Variants in PCDH9 observed in about 807,000 individuals in gnomAD.
PCDH9 encodes the protein protocadherin-9.
Under a neutral mutation model 70.6 loss-of-function variants are expected in PCDH9, and 24 were observed. That is an observed-to-expected ratio of 0.34 (90% CI 0.25 to 0.48). The LOEUF (loss-of-function observed/expected upper bound fraction) is 0.48. Among genes scored for constraint, PCDH9 ranks in the 20% least tolerant of loss-of-function variants. PCDH9 has a pLI of 0.99. For missense variants in PCDH9, 1,281 were observed against 1,503.6 expected, an observed-to-expected ratio of 0.85 and a Z score of 2.45; for synonymous variants, 562 against 558.5, an observed-to-expected ratio of 1.01 and a Z score of -0.09.
chr13:66,534,393 GT>G (rs1220374907), intron 4 of PCDH9, among the ~76,000 whole-genome samples: 1 of 152,104 alleles, frequency 6.6e-6, no homozygotes. Context: ...TGACAGTATC[GT>G]TGGGTTCTGG....
At chr13:66,899,638 A>T (rs552715984) in intron 3 of PCDH9, among the ~76,000 whole-genome samples, 2 of 152,130 alleles carry the variant, frequency 1.3e-5, no homozygotes, top group African/African-American at 4.8e-5. Flanking sequence ...CTCTGCTTGC[A>T]TTATATACTG....
At chr13:66,505,456 C>A (rs1265939882) in intron 4 of PCDH9, among the ~76,000 whole-genome samples, 2 of 151,278 alleles carry the variant, frequency 1.3e-5, no homozygotes, top group African/African-American at 4.9e-5. Flanking sequence ...AACTACCTCC[C>A]ACCAGGTCCC....
At chr13:66,363,072 A>G (rs937726802) in intron 4 of PCDH9, among the ~76,000 whole-genome samples, 1 of 152,094 alleles carries the variant, frequency 6.6e-6, no homozygotes. Context: ...TCAGCTACTC[A>G]GGAGGCTGAG....
At chr13:66,328,833 A>G (rs1955891881) in intron 4 of PCDH9, among the ~76,000 whole-genome samples, 1 of 152,030 alleles carries the variant, frequency 6.6e-6, no homozygotes, top group African/African-American at 2.4e-5. Flanking sequence ...ATCAAAGCAT[A>G]TTTTCTTGGA....
At chr13:66,943,552 T>G (rs910798400) in intron 2 of PCDH9, among the ~76,000 whole-genome samples, 2 of 152,098 alleles carry the variant, frequency 1.3e-5, no homozygotes, top group African/African-American at 4.8e-5. Context: ...GAAAATGATC[T>G]CCATTAGACT....
At chr13:67,117,519 A>C (rs1404021572) in intron 2 of PCDH9, among the ~76,000 whole-genome samples, 3 of 152,162 alleles carry the variant, frequency 2.0e-5, no homozygotes, top group Non-Finnish European at 2.9e-5. Flanking sequence ...AAAGTGGCTT[A>C]ATGAAAAATG....
At chr13:66,611,313 TA>T (rs1219899767) in intron 4 of PCDH9, among the ~76,000 whole-genome samples, 2 of 152,194 alleles carry the variant, frequency 1.3e-5, no homozygotes, top group Non-Finnish European at 2.9e-5. Context: ...TATGACTAAT[TA>T]CAAAGAAATT....
intron 4 of PCDH9, among the ~76,000 whole-genome samples, chr13:66,548,582 G>C (rs544136178): frequency 1.3e-5 from 2 of 151,602 alleles, no homozygotes; most frequent in African/African-American, 2.4e-5. Flanking sequence ...AAAATTAAAC[G>C]TTCAAAAACT....
chr13:66,968,237 T>C (rs1024522286), intron 2 of PCDH9, among the ~76,000 whole-genome samples: 2 of 152,108 alleles, frequency 1.3e-5, no homozygotes, highest in Non-Finnish European at 2.9e-5. Flanking sequence ...TCCAGATGCT[T>C]CTTTGTCATC....
At position 67,227,331 on chromosome 13, in the gene PCDH9, G is replaced by C. The variant is rs745448160; in HGVS notation, c.1110C>G (p.Thr370=). ...LRYIISPING[T]VYLSEKDPVN... ...CAGGATCTTTCTCAGATAAATACACGGTGCCATTGATGGGACTTATAATGT... is the reference window on the plus strand; with the variant it reads ...CAGGATCTTTCTCAGATAAATACACCGTGCCATTGATGGGACTTATAATGT... The change falls in exon 2 of 5, where the codon ACC becomes ACG. Residue 370 remains threonine, a synonymous_variant. Transcript: ENST00000377865. The surrounding 1 kb of genome is among the most constrained non-coding windows in gnomAD (Gnocchi z 4.6). The C allele has an allele frequency of 1.2e-6, 2 of 1,613,736 alleles. No individual in the cohort carries two copies. Among genetic ancestry groups the C allele is most frequent in the South Asian group, 2.2e-5 (2 of 91,064 alleles).
intron 4 of PCDH9, among the ~76,000 whole-genome samples, chr13:66,420,085 G>A (rs956848652): frequency 5.9e-5 from 9 of 152,094 alleles, no homozygotes; most frequent in African/African-American, 1.4e-4. Context: ...AGCCCACCAC[G>A]GTGCCACAAA....
chr13:66,887,372 T>C (rs1228911603), intron 3 of PCDH9, among the ~76,000 whole-genome samples: 2 of 152,102 alleles, frequency 1.3e-5, no homozygotes, highest in African/African-American at 4.8e-5. Context: ...AGACGTGCAT[T>C]CTGCCCTAGA....
chr13:66,781,477 A>G (rs2079997036), intron 3 of PCDH9, among the ~76,000 whole-genome samples: 1 of 152,212 alleles, frequency 6.6e-6, no homozygotes, highest in African/African-American at 2.4e-5. Context: ...AGGAATTAAA[A>G]ATCAGCATGG....
chr13:66,745,333 C>A (rs1252632337), intron 3 of PCDH9, among the ~76,000 whole-genome samples: 1 of 152,132 alleles, frequency 6.6e-6, no homozygotes, highest in Non-Finnish European at 1.5e-5. Flanking sequence ...CAGTTTCCTT[C>A]TTGAGTGAAA....
At chr13:66,528,299 C>T (rs999037181) in intron 4 of PCDH9, among the ~76,000 whole-genome samples, 11 of 152,086 alleles carry the variant, frequency 7.2e-5, no homozygotes, top group Admixed American at 5.2e-4. Context: ...GGGAGTCTTC[C>T]ATTACCGACC....
intron 2 of PCDH9, among the ~76,000 whole-genome samples, chr13:66,934,847 A>C (rs1434093163): frequency 7.7e-5 from 11 of 142,950 alleles, no homozygotes; most frequent in African/African-American, 2.3e-4. Flanking sequence ...CAGCCTCCCG[A>C]GTAGCTGGGA....
At chr13:66,671,835 A>G (rs1285446218) in intron 3 of PCDH9, among the ~76,000 whole-genome samples, 3 of 152,236 alleles carry the variant, frequency 2.0e-5, no homozygotes, top group African/African-American at 4.8e-5. Context: ...AGCAGAGCAT[A>G]ACAGTTTGGA....
rs147242125 is a variant in PCDH9 at position 66,611,907 on chromosome 13, G to A, written c.3340+19303C>T. Among the ~76,000 whole-genome samples the A allele has an allele frequency of 6.3e-3, 963 of 152,246 alleles. 11 individuals are homozygous for A. Among genetic ancestry groups the A allele is most frequent in the Middle Eastern group, 0.01 (3 of 294 alleles). On this transcript the variant is annotated intron_variant, in intron 4 of 4. Transcript: ENST00000377865. ...GACAAGTCAGAGTTACCTGCCTAAG[G>A]TTATGTAGCTGGCAAATAGAAGAGG... is the stretch of plus-strand genomic sequence containing the variant.
intron 4 of PCDH9, among the ~76,000 whole-genome samples, chr13:66,489,671 C>T (rs1211842399): frequency 6.6e-6 from 1 of 152,118 alleles, no homozygotes; most frequent in Non-Finnish European, 1.5e-5. Context: ...TCTACCTTCT[C>T]CACTGCAAAT....
Sources: gnomAD v4.1 joint callset for allele counts (sites outside exome capture counted in the v4.1 genomes callset) on GRCh38, gnomAD v4.1.1 for gene constraint, Gnocchi (gnomAD v3.1) non-coding constraint, MANE v1.5 for transcripts, NCBI Gene and HGNC (gene_info 2026-07-23, HGNC 2026-07-21) for gene names.